Variants in SETD4 observed in about 807,000 individuals in gnomAD.
SETD4 encodes the protein SET domain-containing protein 4.
SETD4 carries 46 observed loss-of-function variants against 58.3 expected under a neutral mutation model. That is an observed-to-expected ratio of 0.79 (90% CI 0.62 to 1.01). The LOEUF (loss-of-function observed/expected upper bound fraction) is 1.01. Ranked by LOEUF, SETD4 falls within the 50% of genes least tolerant of loss-of-function variation. The pLI is 0.00. For synonymous variants in SETD4, 190 were observed against 202.6 expected (o/e 0.94, Z 0.53); for missense variants, 490 against 523.3 (o/e 0.94, Z 0.62).
intron 8 of SETD4, 146 bp from the exon 9 acceptor site, chr21:36,040,801 C>G (rs1453327108): frequency 1.5e-6 from 1 of 656,218 alleles, no homozygotes; most frequent in East Asian, 2.8e-5. Context: ...AAGAGAAAAT[C>G]AGTCTGCAAA....
intron 8 of SETD4, 41 bp downstream of exon 8, chr21:36,041,766 T>C (rs910495787): frequency 1.5e-6 from 2 of 1,375,088 alleles, no homozygotes; most frequent in African/African-American, 2.9e-5. Flanking sequence ...CATGAAAATT[T>C]CCTAAAGGAA....
intron 5 of SETD4, among the ~76,000 whole-genome samples, 195 bp downstream of exon 5, chr21:36,048,105 AAGGCAGGC>A (rs375449897): frequency 1.6e-4 from 23 of 145,570 alleles, no homozygotes; most frequent in South Asian, 1.3e-3. Flanking sequence ...GGGAGGGAGG[AAGGCAGGC>A]AGGCAGGCAG....
intron 9 of SETD4, 123 bp from the exon 10 acceptor site, chr21:36,038,396 T>C (rs2063884729): frequency 4.1e-6 from 5 of 1,224,664 alleles, no homozygotes; most frequent in Non-Finnish European, 5.7e-6. Flanking sequence ...ACTCATTCCA[T>C]AAGCAGATTC....
In SETD4 at chr21:36,045,726, G is replaced by A. The variant is rs750979056; in HGVS notation, c.582C>T (p.Tyr194=). 6.2e-7 allele frequency: 1 copy of A among 1,614,218 alleles called. No homozygotes were observed. The highest frequency in any genetic ancestry group is 8.5e-7 in the Non-Finnish European group (1 of 1,180,044). The change falls in exon 6 of 12, where the codon TAC becomes TAT. Residue 194 remains tyrosine (Y), a synonymous_variant. Coordinates refer to ENST00000332131, the MANE Select transcript of SETD4 (RefSeq NM_017438.5). ...TGCACCAAGCCCACAGCAGGGCACT[G>A]TAGCTGAAGATGCTGTCAACAGCCT... ...FAEAVDSIFS[Y]SALLWAWCTV...
At chr21:36,045,441 G>C in intron 6 of SETD4, 141 bp downstream of exon 6, 1 of 932,228 alleles carries the variant, frequency 1.1e-6, no homozygotes. Flanking sequence ...GGAGCCTCCT[G>C]ACGTCAGGCC....
intron 8 of SETD4, among the ~76,000 whole-genome samples, chr21:36,040,893 C>T (rs1264487411): frequency 6.6e-6 from 1 of 152,050 alleles, no homozygotes; most frequent in African/African-American, 2.4e-5. Context: ...GGGCGCAGTG[C>T]CTCACGCCTG....
chr21:36,036,361 G>T, intron 10 of SETD4, 110 bp from the exon 11 acceptor site: 1 of 1,109,526 alleles, frequency 9.0e-7, no homozygotes. Flanking sequence ...GCAGCATGAA[G>T]TACATTCACA....
chr21:36,037,910 C>T (rs1489373599), intron 10 of SETD4, among the ~76,000 whole-genome samples: 9 of 152,054 alleles, frequency 5.9e-5, no homozygotes, highest in East Asian at 1.9e-4. Context: ...GCAGGAGGAT[C>T]GCTTGAACCT....
intron 3 of SETD4, 67 bp downstream of exon 3, chr21:36,057,042 A>T: frequency 1.6e-6 from 2 of 1,244,680 alleles, no homozygotes; most frequent in Non-Finnish European, 1.2e-6. Context: ...CACCTGCAAG[A>T]GTGGCCCCTG....
At chr21:36,044,008 A>C (rs771335589) in intron 6 of SETD4, 52 bp from the exon 7 acceptor site, 2 of 1,572,842 alleles carry the variant, frequency 1.3e-6, no homozygotes, top group Non-Finnish European at 1.7e-6. Flanking sequence ...TAAAACTCCA[A>C]AGCTGATTAA....
chr21:36,059,826 C>A, intron 1 of SETD4: 1 of 985,476 alleles, frequency 1.0e-6, no homozygotes, highest in Non-Finnish European at 1.2e-6. Flanking sequence ...TTTGACCTAA[C>A]GAAAGTCGGC....
Position 36,045,655 on chromosome 21 carries a change from C to G in SETD4, c.653G>C (p.Cys218Ser). Residue 218 changes from cysteine to serine, a missense_variant, in exon 6 of 12, where the codon TGC (cysteine) becomes TCC (serine). Physicochemically the swap from Cys to Ser is moderately radical, Grantham distance 112 (BLOSUM62 -1). Transcript: ENST00000332131. ...AVYLRPRQRE[C>S]LSAEPDTCAL... is the part of the protein sequence containing the mutation. ...ACAGGTGTCCGGCTCTGCAGAAAGG[C>G]ATTCCCGCTGCCTGGGCCTCAGGTA... 6.2e-7 allele frequency: 1 copy of G among 1,614,118 alleles called. No individual in the cohort carries two copies. The highest frequency in any genetic ancestry group is 8.5e-7 in the Non-Finnish European group (1 of 1,180,006).
At chr21:36,043,173 A>G (rs2064147538) in intron 7 of SETD4, 1 of 152,476 alleles carries the variant, frequency 6.6e-6, no homozygotes, top group Non-Finnish European at 1.5e-5. Context: ...AGGCACAAGA[A>G]TCACCTGAAC....
chr21:36,045,894 G>A lies in SETD4; in HGVS notation c.414C>T (p.Thr138=). The change falls in exon 6 of 12, where the codon ACC becomes ACT. Residue 138 remains threonine, a synonymous_variant. Coordinates refer to ENST00000332131, the MANE Select transcript of SETD4 (RefSeq NM_017438.5). ...CTTCCGGCTCCAAACAAACAGGGCAGGTATACGCCTTGGGTAAAATCTCCA... is the reference window on the plus strand; with the variant it reads ...CTTCCGGCTCCAAACAAACAGGGCAAGTATACGCCTTGGGTAAAATCTCCA... The part of the protein sequence containing the change: ...PYLEILPKAY[T]CPVCLEPEVV... The A allele has an allele frequency of 4.3e-6, 7 of 1,614,236 alleles. No individual in the cohort carries two copies. Among genetic ancestry groups the A allele is most frequent in the Non-Finnish European group, 5.9e-6 (7 of 1,180,044 alleles).
chr21:36,039,896 A>T (rs1423482309), intron 9 of SETD4, among the ~76,000 whole-genome samples: 1 of 152,232 alleles, frequency 6.6e-6, no homozygotes, highest in Non-Finnish European at 1.5e-5. Context: ...GCCTCATCTC[A>T]GTCAGTCCTC....
At position 36,047,030 on chromosome 21, in the gene SETD4, T is replaced by TG. The variant is rs375949716; in HGVS notation, c.297-1020dup. 3.2e-3 allele frequency among the ~76,000 whole-genome samples: 482 copies of TG among 152,156 alleles called. 3 individuals are homozygous for TG. The highest frequency in any genetic ancestry group is 0.011 in the African/African-American group (473 of 41,472). On this transcript the variant is annotated intron_variant, in intron 5 of 11. Transcript: ENST00000332131. ...CAGCACTTTGGGAAGCCAAAGTGGG[T>TG]GGATCACTTGAGGCCAGGAGTTTGA...
chr21:36,036,839 T>C (rs1237607694), intron 10 of SETD4, among the ~76,000 whole-genome samples: 3 of 152,218 alleles, frequency 2.0e-5, no homozygotes, highest in Non-Finnish European at 2.9e-5. Context: ...GTGAAGTACA[T>C]TCAGCCTTAT....
intron 4 of SETD4, chr21:36,050,184 A>G: frequency 9.1e-7 from 1 of 1,094,274 alleles, no homozygotes; most frequent in Non-Finnish European, 1.4e-6. Context: ...CCAAGAGGAA[A>G]CAATCCAGGC....
In SETD4 at chr21:36,060,494, G is replaced by C. The variant is rs1693680016; in HGVS notation, c.-184C>G. 6.6e-6 allele frequency: 1 copy of C among 152,430 alleles called. No homozygotes were observed. The highest frequency in any genetic ancestry group is 2.4e-5 in the African/African-American group (1 of 41,462). The allele number at this position is 152,430 out of a possible 1,614,324, so 9.4% of individuals were successfully genotyped here. A position where few individuals can be genotyped will look rare whatever the true frequency, so the allele number is the denominator to read the frequency against. ...GGCTGAAGGCTGTCGCGCCTGCCTG[G>C]TGTCCTTAAGCAATCCAAGTCCTCA... On this transcript the variant is annotated 5_prime_UTR_variant, in exon 1 of 12. Transcript: ENST00000332131.
Sources: gnomAD v4.1 joint callset for allele counts (sites outside exome capture counted in the v4.1 genomes callset) on GRCh38, gnomAD v4.1.1 for gene constraint, MANE v1.5 for transcripts, NCBI Gene and HGNC (gene_info 2026-07-23, HGNC 2026-07-21) for gene names.